The following KATNIP variants were observed in gnomAD, a reference collection of about 807,000 sequenced individuals.
KATNIP encodes katanin interacting protein, also known as katanin-interacting protein.
KATNIP carries 126 observed loss-of-function variants against 174.0 expected under a neutral mutation model. That is an observed-to-expected ratio of 0.72 (90% CI 0.63 to 0.84). The LOEUF is 0.84. Ranked by LOEUF, KATNIP falls within the 40% of genes least tolerant of loss-of-function variation. KATNIP has a pLI of 0.00. For missense variants in KATNIP, 1,958 were observed against 2,109.7 expected, an observed-to-expected ratio of 0.93 and a Z score of 1.41; for synonymous variants, 810 against 835.7, an observed-to-expected ratio of 0.97 and a Z score of 0.53.
intron 3 of KATNIP, among the ~76,000 whole-genome samples, chr16:27,622,066 G>A (rs1261556991): frequency 6.6e-6 from 1 of 152,050 alleles, no homozygotes. Context: ...TTGTGCAGTG[G>A]AGTCAGTTTC....
rs1270609102 is a variant in KATNIP, at chr16:27,746,969, C to T, written c.2624-2615C>T. Among the ~76,000 whole-genome samples the T allele has an allele frequency of 2.0e-5, 3 of 152,200 alleles. 1 individual carries two copies. Among genetic ancestry groups the T allele is most frequent in the Admixed American group, 1.3e-4 (2 of 15,276 alleles). ...ATAGAGACTGAAGTGACAGAGTGGA[C>T]ATGTCTGGACCTTCCAAGAGGTCAT... On this transcript the variant is annotated intron_variant, in intron 15 of 27. Coordinates refer to ENST00000261588, the MANE Select transcript of KATNIP (RefSeq NM_015202.5).
intron 12 of KATNIP, 127 bp downstream of exon 12, chr16:27,704,125 C>G (rs8051631): frequency 6.3e-5 from 44 of 697,008 alleles, no homozygotes; most frequent in African/African-American, 3.2e-4. Flanking sequence ...TTCCACCGCC[C>G]CCCCCCTCCC....
At chr16:27,744,680 C>T (rs981810393) in intron 15 of KATNIP, among the ~76,000 whole-genome samples, 1 of 151,960 alleles carries the variant, frequency 6.6e-6, no homozygotes, top group Non-Finnish European at 1.5e-5. Flanking sequence ...GTCAAGAATT[C>T]GAGACCAGCC....
At chr16:27,718,931 C>A (rs2080082181) in intron 13 of KATNIP, 1 of 152,302 alleles carries the variant, frequency 6.6e-6, no homozygotes, top group South Asian at 2.1e-4. Context: ...CCTTCCATCT[C>A]CTGGGGGCCA....
At chr16:27,672,919 A>G (rs2077972560) in intron 6 of KATNIP, among the ~76,000 whole-genome samples, 1 of 152,120 alleles carries the variant, frequency 6.6e-6, no homozygotes, top group South Asian at 2.1e-4. Context: ...TGGTGGCTGC[A>G]CTCTGCCTTA....
chr16:27,752,037 G>A, intron 17 of KATNIP, 113 bp downstream of exon 17: 2 of 701,454 alleles, frequency 2.9e-6, no homozygotes, highest in Non-Finnish European at 2.1e-6. Context: ...TGGTGCCACT[G>A]TGTTGACATT....
chr16:27,727,590 T>G (rs2080499372), intron 14 of KATNIP: 1 of 152,242 alleles, frequency 6.6e-6, no homozygotes, highest in Admixed American at 6.5e-5. Context: ...CTGAAGATGG[T>G]GGTGGCCTGG....
intron 1 of KATNIP, among the ~76,000 whole-genome samples, chr16:27,553,175 A>T (rs2089465460): frequency 6.6e-6 from 1 of 152,248 alleles, no homozygotes; most frequent in Admixed American, 6.5e-5. Context: ...TCAGTGAGTT[A>T]TGCAAATCTA....
intron 3 of KATNIP, among the ~76,000 whole-genome samples, chr16:27,626,578 A>G (rs1387436261): frequency 4.6e-5 from 7 of 152,142 alleles, no homozygotes; most frequent in Admixed American, 4.6e-4. Context: ...CCCCTGCCAC[A>G]TACTATAATA....
intron 6 of KATNIP, among the ~76,000 whole-genome samples, chr16:27,657,767 G>A (rs769821777): frequency 5.3e-5 from 8 of 152,134 alleles, no homozygotes; most frequent in Admixed American, 1.3e-4. Flanking sequence ...AAAATTAGCT[G>A]GGCGTGGTGG....
chr16:27,557,315 C>T (rs1246323074), intron 1 of KATNIP, among the ~76,000 whole-genome samples: 1 of 151,776 alleles, frequency 6.6e-6, no homozygotes, highest in African/African-American at 2.4e-5. Context: ...CTAATTTTTG[C>T]ATTTTTAGTA....
intron 14 of KATNIP, among the ~76,000 whole-genome samples, chr16:27,737,422 A>G (rs529040050): frequency 1.1e-3 from 160 of 152,174 alleles, no homozygotes; most frequent in African/African-American, 3.6e-3. Flanking sequence ...GGCATTTTAT[A>G]TTGGAATTCC....
chr16:27,676,834 T>G (rs925582858), intron 6 of KATNIP, among the ~76,000 whole-genome samples: 3 of 152,112 alleles, frequency 2.0e-5, no homozygotes, highest in African/African-American at 7.2e-5. Flanking sequence ...CATACTCAGC[T>G]AATTTTTGTT....
At chr16:27,752,703 A>G (rs1430231886) in intron 17 of KATNIP, among the ~76,000 whole-genome samples, 1 of 151,208 alleles carries the variant, frequency 6.6e-6, no homozygotes, top group East Asian at 1.9e-4. Context: ...AGTGCATGCC[A>G]CCATGCCTGG....
At chr16:27,711,203 C>T (rs576698445) in intron 13 of KATNIP, among the ~76,000 whole-genome samples, 154 of 152,236 alleles carry the variant, frequency 1.0e-3, no homozygotes, top group South Asian at 4.4e-3. Flanking sequence ...CTGGCCACCA[C>T]GGGTGTGGTC....
intron 6 of KATNIP, among the ~76,000 whole-genome samples, chr16:27,664,968 C>T (rs751816153): frequency 6.6e-5 from 10 of 152,116 alleles, no homozygotes; most frequent in Non-Finnish European, 1.0e-4. Flanking sequence ...CTGTCCCCGG[C>T]TATATTAAGT....
chr16:27,573,500 G>A (rs1038115061), intron 1 of KATNIP, among the ~76,000 whole-genome samples: 11 of 152,218 alleles, frequency 7.2e-5, no homozygotes, highest in South Asian at 4.1e-4. Flanking sequence ...GGTGCAGCAC[G>A]TTGGTATGCT....
chr16:27,566,175 CT>C (rs1444469392), intron 1 of KATNIP, among the ~76,000 whole-genome samples: 1 of 152,102 alleles, frequency 6.6e-6, no homozygotes, highest in Admixed American at 6.6e-5. Context: ...ATCCTGCCAC[CT>C]TCCTCTGTTT....
chr16:27,699,860 C>G (rs2079038512), intron 10 of KATNIP, among the ~76,000 whole-genome samples: 1 of 152,180 alleles, frequency 6.6e-6, no homozygotes, highest in Non-Finnish European at 1.5e-5. Flanking sequence ...TCACCCAGGC[C>G]TGCTGACTCA....
Sources: allele counts gnomAD v4.1 joint callset (sites outside exome capture counted in the v4.1 genomes callset), GRCh38; gene constraint gnomAD v4.1.1; transcripts MANE v1.5; gene names NCBI Gene and HGNC (gene_info 2026-07-23, HGNC 2026-07-21).